Variants in CPQ observed in about 807,000 individuals in gnomAD.
The protein encoded by CPQ is carboxypeptidase Q, also known as Ser-Met dipeptidase.
In CPQ, 37 loss-of-function variants were observed where a neutral mutation model predicts 45.7. That is an observed-to-expected ratio of 0.81 (90% CI 0.62 to 1.07). The LOEUF (loss-of-function observed/expected upper bound fraction) is 1.07, where lower values mean the gene tolerates loss of function less well. Ranked by LOEUF, CPQ falls within the 50% of genes least tolerant of loss-of-function variation. CPQ has a pLI of 0.00. For synonymous variants in CPQ, 186 were observed against 205.8 expected, an observed-to-expected ratio of 0.90 and a Z score of 0.82; for missense variants, 537 against 572.9, an observed-to-expected ratio of 0.94 and a Z score of 0.64.
intron 5 of CPQ, among the ~76,000 whole-genome samples, chr8:97,007,964 T>C (rs1428178358): frequency 6.6e-6 from 1 of 152,164 alleles, no homozygotes; most frequent in African/African-American, 2.4e-5. Flanking sequence ...TTAGATTAAG[T>C]AGTTGACTCA....
intron 1 of CPQ, among the ~76,000 whole-genome samples, chr8:96,701,028 A>T (rs538264838): frequency 6.6e-6 from 1 of 152,250 alleles, no homozygotes; most frequent in African/African-American, 2.4e-5. Context: ...ATATGATTCA[A>T]TGTAGGACAG....
At chr8:96,754,639 T>C (rs1182795256) in intron 1 of CPQ, among the ~76,000 whole-genome samples, 1 of 152,070 alleles carries the variant, frequency 6.6e-6, no homozygotes, top group Non-Finnish European at 1.5e-5. Context: ...TGAATCAATG[T>C]TATTAATTCA....
intron 1 of CPQ, among the ~76,000 whole-genome samples, chr8:96,778,024 G>A (rs1020830121): frequency 5.3e-5 from 8 of 150,518 alleles, no homozygotes; most frequent in Non-Finnish European, 7.4e-5. Context: ...CACCGTGCCC[G>A]GCCAGGAAAG....
At chr8:97,023,049 T>TATACAGTATATATACAGTATATAA (rs1809734616) in intron 5 of CPQ, among the ~76,000 whole-genome samples, 1 of 51,090 alleles carries the variant, frequency 2.0e-5, no homozygotes, top group Admixed American at 2.3e-4. Context: ...ACAGTATATA[T>TATACAGTATATATACAGTATATAA]ACTGTATATA....
chr8:97,074,948 T>C (rs1810816859), intron 7 of CPQ, among the ~76,000 whole-genome samples: 1 of 151,510 alleles, frequency 6.6e-6, no homozygotes, highest in African/African-American at 2.4e-5. Flanking sequence ...TGAAAAAGAG[T>C]CATAAATGTC....
intron 3 of CPQ, among the ~76,000 whole-genome samples, chr8:96,878,710 G>A (rs1352977505): frequency 6.6e-6 from 1 of 152,208 alleles, no homozygotes; most frequent in African/African-American, 2.4e-5. Flanking sequence ...TTGTGCATGT[G>A]GAGACTGGAG....
chr8:96,870,468 A>G (rs539677567), intron 3 of CPQ, among the ~76,000 whole-genome samples: 2 of 152,150 alleles, frequency 1.3e-5, no homozygotes, highest in South Asian at 2.1e-4. Context: ...AGTAATCATC[A>G]TCATCATTAG....
chr8:96,930,112 A>G (rs1242611763), intron 4 of CPQ, among the ~76,000 whole-genome samples: 1 of 152,194 alleles, frequency 6.6e-6, no homozygotes, highest in Non-Finnish European at 1.5e-5. Flanking sequence ...GAAATGAAAA[A>G]TGAAAATACA....
intron 4 of CPQ, among the ~76,000 whole-genome samples, chr8:96,918,971 G>A (rs1006821402): frequency 6.6e-6 from 1 of 152,046 alleles, no homozygotes; most frequent in Admixed American, 6.6e-5. Flanking sequence ...CCTTCCTAAG[G>A]TTCTTCGCAG....
chr8:96,796,895 T>A (rs186419975), intron 2 of CPQ, among the ~76,000 whole-genome samples: 3 of 152,302 alleles, frequency 2.0e-5, no homozygotes, highest in African/African-American at 7.2e-5. Flanking sequence ...ATAGTTAATG[T>A]TGAGCTGTGG....
intron 7 of CPQ, among the ~76,000 whole-genome samples, chr8:97,132,606 T>C (rs991514064): frequency 2.6e-5 from 4 of 152,204 alleles, no homozygotes; most frequent in African/African-American, 7.2e-5. Flanking sequence ...ATCTGTCCAT[T>C]TGAACATGAT....
At chr8:96,693,626 T>A (rs1371527878) in intron 1 of CPQ, among the ~76,000 whole-genome samples, 1 of 152,074 alleles carries the variant, frequency 6.6e-6, no homozygotes, top group Non-Finnish European at 1.5e-5. Flanking sequence ...TATTCTTTGA[T>A]CATGAAGGAG....
At chr8:97,090,309 G>C (rs537935330) in intron 7 of CPQ, among the ~76,000 whole-genome samples, 1 of 152,098 alleles carries the variant, frequency 6.6e-6, no homozygotes, top group South Asian at 2.1e-4. Context: ...GACAAATGTC[G>C]AGGCACTACC....
chr8:97,109,625 C>T (rs1424244904), intron 7 of CPQ, among the ~76,000 whole-genome samples: 2 of 152,124 alleles, frequency 1.3e-5, no homozygotes, highest in South Asian at 4.1e-4. Flanking sequence ...CTTTGGCCTG[C>T]AAACATGCTA....
At chr8:96,985,350 A>T (rs1363937945) in intron 5 of CPQ, among the ~76,000 whole-genome samples, 1 of 151,726 alleles carries the variant, frequency 6.6e-6, no homozygotes, top group African/African-American at 2.4e-5. Context: ...GTCCTTCTGT[A>T]ATCCATACAG....
At chr8:97,123,893 G>C (rs888807337) in intron 7 of CPQ, among the ~76,000 whole-genome samples, 6 of 152,224 alleles carry the variant, frequency 3.9e-5, no homozygotes, top group East Asian at 1.9e-4. Context: ...CTTCAAAATA[G>C]AGAACATTAT....
intron 1 of CPQ, among the ~76,000 whole-genome samples, chr8:96,660,303 C>T (rs561573028): frequency 3.8e-4 from 58 of 152,278 alleles, no homozygotes; most frequent in Non-Finnish European, 7.1e-4. Flanking sequence ...CCCCTGATAT[C>T]GCTCTGTGTA....
intron 2 of CPQ, among the ~76,000 whole-genome samples, chr8:96,834,343 G>T (rs146918526): frequency 6.6e-6 from 1 of 152,272 alleles, no homozygotes; most frequent in East Asian, 1.9e-4. Flanking sequence ...TGATGAACAA[G>T]TACCGTAAAT....
intron 4 of CPQ, among the ~76,000 whole-genome samples, chr8:96,941,429 A>G (rs1333237077): frequency 6.6e-6 from 1 of 152,144 alleles, no homozygotes; most frequent in Non-Finnish European, 1.5e-5. Flanking sequence ...TTGCATGTAA[A>G]TCAGCTTCAG....
Sources: gnomAD v4.1 joint callset for allele counts (sites outside exome capture counted in the v4.1 genomes callset) on GRCh38, gnomAD v4.1.1 for gene constraint, MANE v1.5 for transcripts, NCBI Gene and HGNC (gene_info 2026-07-23, HGNC 2026-07-21) for gene names.